The following PRR16 variants were observed in gnomAD, a reference collection of about 807,000 sequenced individuals.
PRR16 encodes the protein proline rich 16, also known as protein Largen.
PRR16 carries 6 observed loss-of-function variants against 18.2 expected under a neutral mutation model. That is an observed-to-expected ratio of 0.33 (90% CI 0.18 to 0.65). The LOEUF (loss-of-function observed/expected upper bound fraction) is 0.65. PRR16 is among the 30% of genes least tolerant of loss of function. PRR16 has a pLI of 0.74. For missense variants in PRR16, 412 were observed against 376.6 expected, an observed-to-expected ratio of 1.09 and a Z score of -0.78; for synonymous variants, 151 against 147.8, an observed-to-expected ratio of 1.02 and a Z score of -0.16.
At chr5:120,644,769 A>T (rs1755536004) in intron 1 of PRR16, among the ~76,000 whole-genome samples, 1 of 152,144 alleles carries the variant, frequency 6.6e-6, no homozygotes. Flanking sequence ...TTTCTCAGAT[A>T]GAATATTGCC....
chr5:120,671,257 T>G (rs1756593084), intron 1 of PRR16, among the ~76,000 whole-genome samples: 1 of 152,138 alleles, frequency 6.6e-6, no homozygotes, highest in Non-Finnish European at 1.5e-5. Context: ...CTACCTCTTC[T>G]CTCAAAGATC....
chr5:120,742,703 C>G, the PRR16 span, among the ~76,000 whole-genome samples: 1 of 152,264 alleles, frequency 6.6e-6, no homozygotes, highest in South Asian at 2.1e-4. Flanking sequence ...CAAATTACCA[C>G]AAACTCTGTG....
At chr5:120,498,119 C>G (rs1163889080) in intron 1 of PRR16, among the ~76,000 whole-genome samples, 2 of 150,958 alleles carry the variant, frequency 1.3e-5, no homozygotes, top group African/African-American at 4.8e-5. Context: ...TTTTCTTCAT[C>G]CTGACTTCTT....
chr5:120,491,467 TCCTTTCCTTTCCTTTCTTC>T (rs1399303781), intron 1 of PRR16, among the ~76,000 whole-genome samples: 11 of 129,038 alleles, frequency 8.5e-5, no homozygotes, highest in East Asian at 4.1e-4. Flanking sequence ...TCCTTTCCTT[TCCTTTCCTTTCCTTTCTTC>T]CTTCCTTCCT....
intron 1 of PRR16, among the ~76,000 whole-genome samples, chr5:120,501,798 T>C (rs1750463130): frequency 6.6e-6 from 1 of 150,822 alleles, no homozygotes; most frequent in Admixed American, 6.6e-5. Flanking sequence ...CAACTAAAAA[T>C]ACAAAAAATT....
At chr5:120,645,736 T>C (rs552637870) in intron 1 of PRR16, among the ~76,000 whole-genome samples, 9 of 152,160 alleles carry the variant, frequency 5.9e-5, no homozygotes, top group South Asian at 2.1e-4. Context: ...CAAGTTTCTT[T>C]TGTTGCTCCG....
intron 1 of PRR16, chr5:120,531,666 G>A (rs369638228): frequency 6.6e-6 from 1 of 151,986 alleles, no homozygotes; most frequent in African/African-American, 2.4e-5. Context: ...TGTTTTTGAC[G>A]TTTTGCCATT....
the PRR16 span, among the ~76,000 whole-genome samples, chr5:120,696,539 A>G: frequency 6.6e-6 from 1 of 152,220 alleles, no homozygotes. Flanking sequence ...TTGACCTCTT[A>G]ATAGGCTGAA....
chr5:120,744,521 G>A, the PRR16 span, among the ~76,000 whole-genome samples: 1 of 152,180 alleles, frequency 6.6e-6, no homozygotes, highest in South Asian at 2.1e-4. Context: ...CAAAATAACT[G>A]GACATTCTAT....
At chr5:120,538,556 A>T (rs762449189) in intron 1 of PRR16, among the ~76,000 whole-genome samples, 6 of 152,254 alleles carry the variant, frequency 3.9e-5, no homozygotes, top group Non-Finnish European at 7.3e-5. Context: ...TAGTGGCGAT[A>T]TAGGGGACCA....
the PRR16 span, among the ~76,000 whole-genome samples, chr5:120,786,342 C>A: frequency 1.3e-5 from 2 of 151,562 alleles, no homozygotes; most frequent in East Asian, 1.9e-4. Flanking sequence ...GACAACATTG[C>A]CTATAATAAG....
intron 1 of PRR16, among the ~76,000 whole-genome samples, chr5:120,495,083 T>C (rs1021520682): frequency 2.0e-5 from 3 of 152,050 alleles, no homozygotes; most frequent in African/African-American, 4.8e-5. Context: ...TTTTTTTTCA[T>C]TTCAGAATAA....
At chr5:120,725,940 C>T in the PRR16 span, among the ~76,000 whole-genome samples, 31 of 152,124 alleles carry the variant, frequency 2.0e-4, no homozygotes, top group African/African-American at 7.5e-4. Context: ...ATTATTAATC[C>T]ATCCTCTCTG....
intron 1 of PRR16, among the ~76,000 whole-genome samples, chr5:120,578,291 A>G (rs1753146422): frequency 6.6e-6 from 1 of 152,060 alleles, no homozygotes; most frequent in South Asian, 2.1e-4. Flanking sequence ...TATTTCTTCT[A>G]AAAAAATGGG....
the PRR16 span, among the ~76,000 whole-genome samples, chr5:120,748,254 G>A: frequency 6.6e-6 from 1 of 152,010 alleles, no homozygotes. Flanking sequence ...TAGTGAGGTT[G>A]ATGATTTTTA....
the PRR16 span, among the ~76,000 whole-genome samples, chr5:120,725,208 A>G: frequency 6.6e-6 from 1 of 151,948 alleles, no homozygotes; most frequent in African/African-American, 2.4e-5. Context: ...CTAGGAGTAG[A>G]TAAGAGTTAT....
chr5:120,588,581 CA>C (rs1306307863), intron 1 of PRR16, among the ~76,000 whole-genome samples: 1 of 152,148 alleles, frequency 6.6e-6, no homozygotes, highest in Non-Finnish European at 1.5e-5. Context: ...AAGGTATGCA[CA>C]TTTTTTTAGA....
At position 120,686,506 on chromosome 5, in the gene PRR16, G is replaced by A. The variant is rs1757130269; in HGVS notation, c.712G>A (p.Val238Ile). Residue 238 changes from valine (V) to isoleucine (I), a missense_variant, in exon 2 of 2, where the codon GTC becomes ATC. Transcript: ENST00000407149. The part of the protein sequence containing the change: ...NREVHLHSEP[V>I]HPPGKIPHQG... ...GGAGGTCCACTTACACAGTGAACCTGTCCACCCACCGGGAAAGATTCCTCA... is the reference window on the plus strand; with the variant it reads ...GGAGGTCCACTTACACAGTGAACCTATCCACCCACCGGGAAAGATTCCTCA... 6.2e-7 allele frequency: 1 copy of A among 1,613,764 alleles called. No individual in the cohort carries two copies. Among genetic ancestry groups the A allele is most frequent in the South Asian group, 1.1e-5 (1 of 91,046 alleles).
In PRR16 at chr5:120,625,664, G is replaced by A. The variant is rs766800433; in HGVS notation, c.160-60290G>A. Among the ~76,000 whole-genome samples the A allele has an allele frequency of 1.8e-4, 27 of 152,006 alleles. 1 individual carries two copies. The highest frequency in any genetic ancestry group is 4.6e-4 in the Admixed American group (7 of 15,244). On this transcript the variant is annotated intron_variant, in intron 1 of 1. Coordinates refer to ENST00000407149, the MANE Select transcript of PRR16 (RefSeq NM_001300783.2). ...GAAAATAAGTTCTTTGCTCTCCCCC[G>A]TATAAAAACATGTGGGTTTGTGCCT...
Sources: allele counts gnomAD v4.1 joint callset (sites outside exome capture counted in the v4.1 genomes callset), GRCh38; gene constraint gnomAD v4.1.1; transcripts MANE v1.5; gene names NCBI Gene and HGNC (gene_info 2026-07-23, HGNC 2026-07-21).